Variants in GPBP1 observed in about 807,000 individuals in gnomAD.
The protein encoded by GPBP1 is vasculin.
Under a neutral mutation model 56.5 loss-of-function variants are expected in GPBP1, and 13 were observed. The ratio of observed to expected loss-of-function variants is 0.23; its 90% CI spans 0.15 to 0.37. GPBP1 has a LOEUF of 0.37. Ranked by LOEUF, GPBP1 falls within the 10% of genes least tolerant of loss-of-function variation. The pLI, the probability that GPBP1 is intolerant of heterozygous loss-of-function variation, is 1.00. For synonymous variants in GPBP1, 204 were observed against 188.9 expected, an observed-to-expected ratio of 1.08 and a Z score of -0.66; for missense variants, 477 against 572.3, an observed-to-expected ratio of 0.83 and a Z score of 1.70.
intron 2 of GPBP1, among the ~76,000 whole-genome samples, chr5:57,182,109 G>A (rs552502517): frequency 6.6e-5 from 10 of 152,142 alleles, no homozygotes; most frequent in African/African-American, 2.4e-4. Flanking sequence ...TTTTTGAGAC[G>A]GAGTCTCCCT....
At chr5:57,198,638 C>G (rs1484635974) in intron 2 of GPBP1, among the ~76,000 whole-genome samples, 2 of 151,914 alleles carry the variant, frequency 1.3e-5, no homozygotes, top group Non-Finnish European at 2.9e-5. Flanking sequence ...TGCTTGAGGT[C>G]AAGAGTTCGA....
chr5:57,255,749 A>G (rs1416549480), intron 10 of GPBP1, among the ~76,000 whole-genome samples: 1 of 152,234 alleles, frequency 6.6e-6, no homozygotes, highest in Non-Finnish European at 1.5e-5. Context: ...AATGTTTCTT[A>G]TAACCCCTAA....
intron 10 of GPBP1, among the ~76,000 whole-genome samples, chr5:57,258,627 C>A (rs138518146): frequency 2.0e-5 from 3 of 152,078 alleles, no homozygotes; most frequent in Non-Finnish European, 4.4e-5. Context: ...GAAAGGGAAA[C>A]ACAGATTGTT....
intron 2 of GPBP1, among the ~76,000 whole-genome samples, chr5:57,200,940 A>C (rs1754993720): frequency 6.6e-6 from 1 of 152,120 alleles, no homozygotes; most frequent in Non-Finnish European, 1.5e-5. Flanking sequence ...GGCCTCCCAG[A>C]GTGCTGGGAT....
Position 57,255,216 on chromosome 5 carries a change from T to C in GPBP1, c.1160+4075T>C, listed in dbSNP as rs539661954. Among the ~76,000 whole-genome samples the C allele has an allele frequency of 3.1e-3, 477 of 152,166 alleles. 4 individuals are homozygous for C. Among genetic ancestry groups the C allele is most frequent in the African/African-American group, 0.011 (456 of 41,470 alleles). The stretch of plus-strand genomic sequence containing the variant: ...CTCTTCTCTCCCCTTCTCTTTCCCT[T>C]TCTCTCCCCTTTCCTCTCCTCCCCT... On this transcript the variant is annotated intron_variant, in intron 10 of 11. Coordinates refer to ENST00000506184, the MANE Select transcript of GPBP1 (RefSeq NM_022913.4).
Position 57,236,360 on chromosome 5 carries a change from T to C in GPBP1, c.478+328T>C, listed in dbSNP as rs1756661823. Among the ~76,000 whole-genome samples, 8 of 152,322 alleles carry C rather than the reference T, an allele frequency of 5.3e-5. No homozygotes were observed. In the South Asian group the frequency reaches 1.7e-3, roughly 32 times the overall value. ...TGTAAAGAAACAAACTGAGTTTAAA[T>C]TAATTTTTAGTTGTTCAAAGTTGAA... On this transcript the variant is annotated intron_variant, in intron 6 of 11. Transcript: ENST00000506184.
At chr5:57,261,310 A>G (rs749959829) in intron 11 of GPBP1, 28 bp downstream of exon 11, 1 of 1,207,512 alleles carries the variant, frequency 8.3e-7, no homozygotes, top group Non-Finnish European at 1.2e-6. Context: ...ATACAACTTC[A>G]CTTTTAAACT....
At chr5:57,182,798 C>G (rs1166948344) in intron 2 of GPBP1, among the ~76,000 whole-genome samples, 1 of 152,178 alleles carries the variant, frequency 6.6e-6, no homozygotes, top group East Asian at 1.9e-4. Flanking sequence ...GTCCTCCTGC[C>G]TCAGCCTCCC....
intron 2 of GPBP1, among the ~76,000 whole-genome samples, chr5:57,206,756 C>T (rs940838195): frequency 1.3e-4 from 20 of 152,166 alleles, no homozygotes; most frequent in Non-Finnish European, 1.8e-4. Context: ...AAGACAATTC[C>T]GTATTGAATC....
chr5:57,242,458 C>A (rs1340369488), intron 6 of GPBP1, among the ~76,000 whole-genome samples: 1 of 152,068 alleles, frequency 6.6e-6, no homozygotes, highest in Non-Finnish European at 1.5e-5. Flanking sequence ...AAATCTGGTA[C>A]AAAAGTACAC....
intron 2 of GPBP1, among the ~76,000 whole-genome samples, chr5:57,209,410 C>G (rs1262502387): frequency 6.6e-6 from 1 of 152,184 alleles, no homozygotes; most frequent in Non-Finnish European, 1.5e-5. Context: ...TAGCACTTCT[C>G]CCTTCCCAGG....
At chr5:57,214,001 A>G in intron 2 of GPBP1, 73 bp from the exon 3 acceptor site, 1 of 686,888 alleles carries the variant, frequency 1.5e-6, no homozygotes. Context: ...AAGTAGTAAG[A>G]TCATTGTAAT....
intron 2 of GPBP1, among the ~76,000 whole-genome samples, chr5:57,181,072 G>A (rs897456886): frequency 3.9e-5 from 6 of 152,330 alleles, no homozygotes; most frequent in Non-Finnish European, 7.4e-5. Flanking sequence ...AGTGGCTCAT[G>A]CCTGTAATCC....
chr5:57,253,510 TTTAA>T (rs1184654894), intron 10 of GPBP1, among the ~76,000 whole-genome samples: 2 of 152,302 alleles, frequency 1.3e-5, no homozygotes, highest in East Asian at 3.9e-4. Context: ...CAACTTCTAT[TTTAA>T]TTAAGAACAT....
intron 6 of GPBP1, 123 bp from the exon 7 acceptor site, chr5:57,246,177 C>T (rs1486995734): frequency 3.4e-6 from 2 of 585,920 alleles, no homozygotes; most frequent in East Asian, 2.8e-5. Context: ...AGTTATTTTA[C>T]CCAGGAGGCA....
intron 2 of GPBP1, among the ~76,000 whole-genome samples, chr5:57,180,023 C>A (rs78996669): frequency 1.1e-4 from 16 of 151,826 alleles, no homozygotes; most frequent in Non-Finnish European, 1.8e-4. Context: ...AAAAAAAAAA[C>A]TGGGGAGAGT....
intron 3 of GPBP1, chr5:57,221,372 A>G (rs1755952506): frequency 6.5e-7 from 1 of 1,531,020 alleles, no homozygotes; most frequent in Non-Finnish European, 8.8e-7. Context: ...TCATTTGTTA[A>G]TAGGTCCTGA....
intron 2 of GPBP1, among the ~76,000 whole-genome samples, chr5:57,206,186 TTTTAC>T (rs1243628750): frequency 2.0e-5 from 3 of 152,176 alleles, no homozygotes; most frequent in African/African-American, 7.2e-5. Flanking sequence ...TCAGTTGTCT[TTTTAC>T]TTTATAGATA....
chr5:57,199,402 A>T (rs1363769596), intron 2 of GPBP1, among the ~76,000 whole-genome samples: 2 of 152,198 alleles, frequency 1.3e-5, no homozygotes, highest in African/African-American at 2.4e-5. Context: ...GAGCAGCCAT[A>T]GGGATACAGG....
Sources: gnomAD v4.1 joint callset for allele counts (sites outside exome capture counted in the v4.1 genomes callset) on GRCh38, gnomAD v4.1.1 for gene constraint, MANE v1.5 for transcripts, NCBI Gene and HGNC (gene_info 2026-07-23, HGNC 2026-07-21) for gene names.